Variants in SYNPR observed in about 807,000 individuals in gnomAD.
The protein encoded by SYNPR is synaptoporin.
SYNPR carries 23 observed loss-of-function variants against 32.9 expected under a neutral mutation model. The ratio of observed to expected loss-of-function variants is 0.70; its 90% CI spans 0.50 to 0.99. The LOEUF is 0.99. Among genes scored for constraint, SYNPR ranks in the 50% least tolerant of loss-of-function variants. The probability of loss-of-function intolerance (pLI) is 0.00; values close to 1 mark genes in which losing one functional copy is unlikely to be tolerated. For missense variants in SYNPR, 318 were observed against 349.3 expected (o/e 0.91, Z 0.71); for synonymous variants, 146 against 135.9 (o/e 1.07, Z -0.52).
intron 2 of SYNPR, among the ~76,000 whole-genome samples, chr3:63,371,045 G>C (rs1352637199): frequency 6.6e-6 from 1 of 152,092 alleles, no homozygotes; most frequent in Non-Finnish European, 1.5e-5. Context: ...GACACATTGC[G>C]ATTCATCAAG....
chr3:63,335,316 G>A (rs1447760229), intron 2 of SYNPR, among the ~76,000 whole-genome samples: 1 of 136,120 alleles, frequency 7.3e-6, no homozygotes, highest in Non-Finnish European at 1.5e-5. Context: ...CTGCGCCACT[G>A]CACTCCAGCC....
In SYNPR at chr3:63,615,943, G is replaced by T. The variant is rs566370037; in HGVS notation, c.*462G>T. 6.6e-6 allele frequency: 1 copy of T among 152,346 alleles called. No homozygotes were observed. The allele number at this position is 152,346 out of a possible 1,614,324, so 9.4% of individuals were successfully genotyped here. A position where few individuals can be genotyped will look rare whatever the true frequency, so the allele number is the denominator to read the frequency against. ...TTAGTTTTAAGTCCTATAGGACTAT[G>T]AGTCTCTAAGTTATTTGTTTCAGAA... On this transcript the variant is annotated 3_prime_UTR_variant, in exon 6 of 6. Coordinates refer to ENST00000478300, the MANE Select transcript of SYNPR (RefSeq NM_001130003.2).
the SYNPR span, among the ~76,000 whole-genome samples, chr3:63,208,182 G>C: frequency 1.3e-5 from 2 of 152,248 alleles, no homozygotes; most frequent in African/African-American, 4.8e-5. Context: ...AGAGATGGTT[G>C]TGTTAATTAG....
At chr3:63,570,347 C>T (rs972915589) in intron 4 of SYNPR, among the ~76,000 whole-genome samples, 8 of 152,140 alleles carry the variant, frequency 5.3e-5, no homozygotes, top group Non-Finnish European at 1.0e-4. Context: ...GTGTTTACAC[C>T]ATTGTATCTC....
rs1004735981 is a variant in SYNPR at position 63,383,142 on chromosome 3, A to G, written c.85-97690A>G. Among the ~76,000 whole-genome samples, 16 of 152,184 alleles carry G rather than the reference A, an allele frequency of 1.1e-4. 1 individual carries two copies. Among genetic ancestry groups the G allele is most frequent in the South Asian group, 6.2e-4 (3 of 4,826 alleles). On this transcript the variant is annotated intron_variant, in intron 2 of 5. Transcript: ENST00000478300. ...AAGGATTTGTTTTCTTATTCATTGC[A>G]TAGTTTCCCATCAACTTTCTCTGAT...
At chr3:63,295,558 G>A (rs1375817842) in intron 2 of SYNPR, among the ~76,000 whole-genome samples, 1 of 152,138 alleles carries the variant, frequency 6.6e-6, no homozygotes, top group East Asian at 1.9e-4. Context: ...ATCAACCAAG[G>A]TGGTGGTTTC....
intron 2 of SYNPR, among the ~76,000 whole-genome samples, chr3:63,343,726 G>C (rs558207191): frequency 6.6e-6 from 1 of 152,314 alleles, no homozygotes; most frequent in Non-Finnish European, 1.5e-5. Flanking sequence ...ATGATTCCCT[G>C]CCTAACTTTA....
chr3:63,346,567 G>A (rs2087439663), intron 2 of SYNPR, among the ~76,000 whole-genome samples: 1 of 152,070 alleles, frequency 6.6e-6, no homozygotes, highest in African/African-American at 2.4e-5. Flanking sequence ...CGCCTCCTGG[G>A]TTCAAGCGAT....
At chr3:63,207,618 A>G in the SYNPR span, among the ~76,000 whole-genome samples, 1 of 152,166 alleles carries the variant, frequency 6.6e-6, no homozygotes, top group Non-Finnish European at 1.5e-5. Flanking sequence ...ACTCAGTATA[A>G]TATGAATCAT....
chr3:63,442,475 T>C (rs1253496827), intron 2 of SYNPR, among the ~76,000 whole-genome samples: 2 of 152,146 alleles, frequency 1.3e-5, no homozygotes, highest in Non-Finnish European at 2.9e-5. Context: ...GATGCCAGTG[T>C]GAGAACATGT....
chr3:63,364,654 T>C (rs2087707863), intron 2 of SYNPR, among the ~76,000 whole-genome samples: 1 of 152,194 alleles, frequency 6.6e-6, no homozygotes, highest in African/African-American at 2.4e-5. Context: ...GTGTTGATGG[T>C]CTCTGTCCTT....
rs1553641159 is a variant in SYNPR, at chr3:63,494,432, T to TAC, written c.209+13477_209+13478dup. Among the ~76,000 whole-genome samples the TAC allele has an allele frequency of 5.2e-3, 571 of 109,668 alleles. 6 individuals are homozygous for TAC. The highest frequency in any genetic ancestry group is 0.021 in the African/African-American group (486 of 22,808). 71.9% of individuals were successfully genotyped at this position (109,668 alleles called of 152,430 possible). On this transcript the variant is annotated intron_variant, in intron 3 of 5. Transcript: ENST00000478300. ...ATATATATATACGTATATATATATATACGTATATATATATACACATATATA... is the reference window on the plus strand; with the variant it reads ...ATATATATATACGTATATATATATATACACGTATATATATATACACATATATA...
At chr3:63,579,237 G>A (rs1703046769) in intron 4 of SYNPR, among the ~76,000 whole-genome samples, 2 of 152,018 alleles carry the variant, frequency 1.3e-5, no homozygotes, top group African/African-American at 4.8e-5. Context: ...CATTTCCTAG[G>A]TTGATAAACT....
chr3:63,323,619 A>C (rs553992538), intron 2 of SYNPR, among the ~76,000 whole-genome samples: 9 of 152,216 alleles, frequency 5.9e-5, no homozygotes, highest in Non-Finnish European at 1.3e-4. Flanking sequence ...TGAGCATTTG[A>C]TCAGAGTTCA....
intron 2 of SYNPR, among the ~76,000 whole-genome samples, chr3:63,362,054 G>A (rs1461287189): frequency 1.3e-5 from 2 of 152,166 alleles, no homozygotes; most frequent in South Asian, 2.1e-4. Context: ...CCAATAAAAT[G>A]TGAGAGTGAT....
chr3:63,397,173 A>T, intron 2 of SYNPR, among the ~76,000 whole-genome samples: 1 of 152,034 alleles, frequency 6.6e-6, no homozygotes, highest in Non-Finnish European at 1.5e-5. Flanking sequence ...TAATTCAAGA[A>T]GGCTGTAGGG....
chr3:63,345,366 G>T (rs2087424458), intron 2 of SYNPR, among the ~76,000 whole-genome samples: 1 of 152,216 alleles, frequency 6.6e-6, no homozygotes, highest in Non-Finnish European at 1.5e-5. Context: ...AAGCAATATG[G>T]AGTCAGCTCT....
intron 3 of SYNPR, among the ~76,000 whole-genome samples, chr3:63,514,511 T>A (rs1701758461): frequency 6.6e-6 from 1 of 152,182 alleles, no homozygotes; most frequent in Non-Finnish European, 1.5e-5. Context: ...TGGGTTTCTC[T>A]CCCGTCATCT....
At chr3:63,563,288 C>T (rs750425343) in intron 4 of SYNPR, among the ~76,000 whole-genome samples, 9 of 152,182 alleles carry the variant, frequency 5.9e-5, no homozygotes, top group Non-Finnish European at 1.2e-4. Context: ...CATTAGATGA[C>T]TGGGAGGTAG....
Sources: gnomAD v4.1 joint callset for allele counts (sites outside exome capture counted in the v4.1 genomes callset) on GRCh38, gnomAD v4.1.1 for gene constraint, MANE v1.5 for transcripts, NCBI Gene and HGNC (gene_info 2026-07-23, HGNC 2026-07-21) for gene names.